Variants in SH2B1 observed in about 807,000 individuals in gnomAD.
SH2B1 encodes SH2B adaptor protein 1, also known as SH2B adapter protein 1.
In SH2B1, 15 loss-of-function variants were observed where a neutral mutation model predicts 62.6. That is an observed-to-expected ratio of 0.24 (90% CI 0.16 to 0.37). The LOEUF is 0.37. Ranked by LOEUF, SH2B1 falls within the 10% of genes least tolerant of loss-of-function variation. The pLI, the probability that SH2B1 is intolerant of heterozygous loss-of-function variation, is 1.00. For missense variants in SH2B1, 925 were observed against 1,015.6 expected (o/e 0.91, Z 1.21); for synonymous variants, 443 against 438.0 (o/e 1.01, Z -0.14).
At position 28,873,956 on chromosome 16, in the gene SH2B1, C is replaced by A. The variant is rs904784130; in HGVS notation, c.*136C>A. On this transcript the variant is annotated 3_prime_UTR_variant, in exon 8 of 8. Transcript: ENST00000684370. The surrounding 1 kb of genome is among the most constrained non-coding windows in gnomAD (Gnocchi z 4.2). ...TTGGCCAAGGGCATCTTTGATGGTA[C>A]AAGCAGAGGCTCGGGAGAGGCTCCC... 3.5e-6 allele frequency: 3 copies of A among 861,900 alleles called. No homozygotes were observed. Among genetic ancestry groups the A allele is most frequent in the South Asian group, 7.3e-5 (2 of 27,332 alleles). The allele number at this position is 861,900 out of a possible 1,614,324, so 53.4% of individuals were successfully genotyped here.
Position 28,852,692 on chromosome 16 carries a change from T to TTA in SH2B1, c.-301+5874_-301+5875dup, listed in dbSNP as rs1196188850. On this transcript the variant is annotated intron_variant, in intron 1 of 10. Coordinates refer to the SH2B1 transcript ENST00000322610. Reference sequence around the variant, plus strand: ...TTTATATATATATTTACATATATATTTATATATATACATATATATTTACAT... The same window carrying TTA: ...TTTATATATATATTTACATATATATTTATATATATATACATATATATTTACAT... Among the ~76,000 whole-genome samples, 15 of 75,822 alleles carry TTA rather than the reference T, an allele frequency of 2.0e-4. 2 individuals are homozygous for TTA. Among genetic ancestry groups the TTA allele is most frequent in the East Asian group, 3.4e-4 (1 of 2,904 alleles). 49.7% of individuals were successfully genotyped at this position (75,822 alleles called of 152,430 possible). A position where few individuals can be genotyped will look rare whatever the true frequency, so the allele number is the denominator to read the frequency against.
Position 28,865,459 on chromosome 16 carries a change from C to T in SH2B1, c.-636C>T. The T allele has an allele frequency of 1.9e-5, 19 of 985,602 alleles. 1 individual carries two copies. Among genetic ancestry groups the T allele is most frequent in the Admixed American group, 6.1e-5 (1 of 16,290 alleles). 61.1% of individuals were successfully genotyped at this position (985,602 alleles called of 1,614,324 possible). On this transcript the variant is annotated 5_prime_UTR_variant, in exon 1 of 8. Coordinates refer to ENST00000684370, the MANE Select transcript of SH2B1 (RefSeq NM_001387430.1). ...TCTAGAATCCCAGCTCCTCTCTAGC[C>T]CCCTGCGAGCTGGGGCGGTGAGGTG...
intron 1 of SH2B1, among the ~76,000 whole-genome samples, chr16:28,853,025 C>CATATATAT (rs1156719021): frequency 1.9e-5 from 1 of 53,614 alleles, no homozygotes; most frequent in Non-Finnish European, 3.3e-5. Context: ...TATATATGTA[C>CATATATAT]ATATATATGT....
At chr16:28,852,749 C>T (rs1206939041) in intron 1 of SH2B1, among the ~76,000 whole-genome samples, 1,015 of 37,544 alleles carry the variant, frequency 0.027, 195 homozygotes, top group African/African-American at 0.14. Flanking sequence ...TATATATTTA[C>T]ATATATATGT....
At chr16:28,868,330 C>T (rs1596626354) in intron 2 of SH2B1, among the ~76,000 whole-genome samples, 2 of 149,660 alleles carry the variant, frequency 1.3e-5, no homozygotes, top group South Asian at 2.1e-4. Flanking sequence ...TTAGTAGAGA[C>T]GGGGTTTCAC....
rs1596628411 is a variant in SH2B1, at chr16:28,869,464, A to G, written c.1309+81A>G. ...TGCTGTCAGGCGCCATGCCCTCTCC[A>G]GACGCCACTGTGCCCCCATCCCTGT... On this transcript the variant is annotated intron_variant, in intron 4 of 7. Coordinates refer to ENST00000684370, the MANE Select transcript of SH2B1 (RefSeq NM_001387430.1). The G allele has an allele frequency of 2.3e-6, 3 of 1,295,388 alleles. No homozygotes were observed. In the East Asian group the frequency reaches 7.4e-5, roughly 32 times the overall value. The allele number at this position is 1,295,388 out of a possible 1,614,324, so 80.2% of individuals were successfully genotyped here.
chr16:28,860,394 G>A (rs904320501), upstream of SH2B1, among the ~76,000 whole-genome samples: 3 of 151,946 alleles, frequency 2.0e-5, no homozygotes, highest in African/African-American at 4.8e-5. Context: ...TGGGATTACA[G>A]GTGCGTGCCA....
In SH2B1 at chr16:28,872,087, A is replaced by G. The variant is rs1223691067; in HGVS notation, c.1514-103A>G. ...GCTGGCCCAGGGGAGTTGGGGACGCATGTGGGGAGCAGGCGCCTTGAGGGG... is the reference window on the plus strand; with the variant it reads ...GCTGGCCCAGGGGAGTTGGGGACGCGTGTGGGGAGCAGGCGCCTTGAGGGG... On this transcript the variant is annotated intron_variant, in intron 5 of 7. Transcript: ENST00000684370. This position sits in a 1 kb window ranked among gnomAD's most constrained non-coding sequence, Gnocchi z 5.3. 7.3e-7 allele frequency: 1 copy of G among 1,370,404 alleles called. No homozygotes were observed. The highest frequency in any genetic ancestry group is 1.0e-6 in the Non-Finnish European group (1 of 969,140). 84.9% of individuals were successfully genotyped at this position (1,370,404 alleles called of 1,614,324 possible). A position where few individuals can be genotyped will look rare whatever the true frequency, so the allele number is the denominator to read the frequency against.
intron 1 of SH2B1, among the ~76,000 whole-genome samples, chr16:28,852,927 TTTA>T (rs1168027517): frequency 9.4e-5 from 5 of 53,338 alleles, no homozygotes; most frequent in African/African-American, 2.2e-4. Flanking sequence ...TATATATATT[TTTA>T]TATATATGTA....
Position 28,871,911 on chromosome 16 carries a change from G to T in SH2B1, c.1441G>T (p.Gly481Ter). 6.3e-7 allele frequency: 1 copy of T among 1,587,076 alleles called. No homozygotes were observed. The highest frequency in any genetic ancestry group is 8.6e-7 in the Non-Finnish European group (1 of 1,156,820). ...GCCCCCCCGCATCCCCATTGAAGAGGGACCCCCAACAGGGACAGTTCATCC... is the reference window on the plus strand; with the variant it reads ...GCCCCCCCGCATCCCCATTGAAGAGTGACCCCCAACAGGGACAGTTCATCC... ...ELPPRIPIEEGPPTGTVHPLS... is the reference protein window; with the variant it reads ...ELPPRIPIEE Residue 481 changes from glycine (G) to a stop codon, truncating the protein, a stop_gained, in exon 5 of 8, where the codon GGA (glycine) becomes TGA (stop). Transcript: ENST00000684370. LOFTEE classifies it high-confidence loss of function.
At chr16:28,855,196 C>G (rs940730329) in intron 1 of SH2B1, among the ~76,000 whole-genome samples, 1 of 151,584 alleles carries the variant, frequency 6.6e-6, no homozygotes, top group African/African-American at 2.4e-5. Flanking sequence ...CCCCCACTTT[C>G]GTTTTGCAAA....
chr16:28,862,827 A>G (rs866565888), upstream of SH2B1: 3 of 148,816 alleles, frequency 2.0e-5, 1 homozygote, highest in Middle Eastern at 6.3e-3. Flanking sequence ...CATGTTGGTC[A>G]GGCTGGTCTC....
At chr16:28,850,990 T>C (rs1242026804) in intron 1 of SH2B1, among the ~76,000 whole-genome samples, 1 of 151,004 alleles carries the variant, frequency 6.6e-6, no homozygotes, top group Non-Finnish European at 1.5e-5. Context: ...CTGGCCAATA[T>C]GGTGAAACCC....
Position 28,873,688 on chromosome 16 carries a change from G to C in SH2B1, c.2139G>C (p.Glu713Asp), listed in dbSNP as rs919354085. The change falls in exon 8 of 8, where the codon GAG (glutamate) becomes GAC (aspartate). Residue 713 changes from glutamate to aspartate, a missense_variant. Coordinates refer to ENST00000684370, the MANE Select transcript of SH2B1 (RefSeq NM_001387430.1). This position sits in a 1 kb window ranked among gnomAD's most constrained non-coding sequence, Gnocchi z 4.2. ...ELEEAIAPGS[E>D]AQGAGSGGDA... ...AAGAGGCCATAGCCCCAGGCTCAGA[G>C]GCCCAGGGCGCTGGGTCTGGTGGGG... 9.2e-6 allele frequency: 14 copies of C among 1,518,030 alleles called. No individual in the cohort carries two copies. Among genetic ancestry groups the C allele is most frequent in the Non-Finnish European group, 1.2e-5 (14 of 1,130,222 alleles). 94.0% of individuals were successfully genotyped at this position (1,518,030 alleles called of 1,614,324 possible). A position where few individuals can be genotyped will look rare whatever the true frequency, so the allele number is the denominator to read the frequency against.
rs1417416002 is a variant in SH2B1 at position 28,873,511 on chromosome 16, G to T, written c.1962G>T (p.Gln654His). 3 of 1,595,956 alleles carry T rather than the reference G, an allele frequency of 1.9e-6. No homozygotes were observed. Among genetic ancestry groups the T allele is most frequent in the Non-Finnish European group, 2.6e-6 (3 of 1,172,642 alleles). The change falls in exon 8 of 8, where the codon CAG (glutamine) becomes CAT (histidine). Residue 654 changes from glutamine to histidine, a missense_variant. Gln to His is a conservative substitution (Grantham distance 24). This residue lies in a region of SH2B1 where 185 missense variants were observed against 189.5 expected (regional missense o/e 0.98). Transcript: ENST00000684370. This position sits in a 1 kb window ranked among gnomAD's most constrained non-coding sequence, Gnocchi z 4.2. ...CCCCTTCATGGACAGATCCCCCACA[G>T]CCTGGGGCAGAAGAGGCGTCGAGGG... ...PEPPSWTDPP[Q>H]PGAEEASRAP...
At chr16:28,853,318 C>T (rs1477206091) in intron 1 of SH2B1, among the ~76,000 whole-genome samples, 4 of 148,946 alleles carry the variant, frequency 2.7e-5, no homozygotes, top group African/African-American at 9.9e-5. Context: ...GCAATTCTGC[C>T]TCAGCCTCAC....
Position 28,852,767 on chromosome 16 carries a change from TA to T in SH2B1, c.-301+5941del. Among the ~76,000 whole-genome samples, 2 of 73,446 alleles carry T rather than the reference TA, an allele frequency of 2.7e-5. 1 individual carries two copies. The highest frequency in any genetic ancestry group is 4.8e-5 in the Non-Finnish European group (2 of 41,602). The allele number at this position is 73,446 out of a possible 152,430, so 48.2% of individuals were successfully genotyped here. ...ATATTTACATATATATGTATATATATATTTATATATATATTTACATATATAT... is the reference window on the plus strand; with the variant it reads ...ATATTTACATATATATGTATATATATTTTATATATATATTTACATATATAT... On this transcript the variant is annotated intron_variant, in intron 1 of 10. Transcript: ENST00000322610.
In SH2B1 at chr16:28,864,712, AG is replaced by A; in HGVS notation, c.-1380del. ...GCGGGAGGAGCGCTAACAAGAGCCA[AG>A]GGTTGTAAATTCCACACCCAGCTCT... On this transcript the variant is annotated 5_prime_UTR_variant, in exon 1 of 8. Coordinates refer to ENST00000684370, the MANE Select transcript of SH2B1 (RefSeq NM_001387430.1). 2 of 972,652 alleles carry A rather than the reference AG, an allele frequency of 2.1e-6. No homozygotes were observed. The highest frequency in any genetic ancestry group is 2.4e-6 in the Non-Finnish European group (2 of 818,408). 60.3% of individuals were successfully genotyped at this position (972,652 alleles called of 1,614,324 possible). A position where few individuals can be genotyped will look rare whatever the true frequency, so the allele number is the denominator to read the frequency against.
At chr16:28,867,708 A>G (rs536989958) in intron 2 of SH2B1, among the ~76,000 whole-genome samples, 2 of 152,206 alleles carry the variant, frequency 1.3e-5, no homozygotes, top group South Asian at 2.1e-4. Context: ...GAGTGCAGCA[A>G]CCTGATCATA....
Sources: gnomAD v4.1 joint callset for allele counts (sites outside exome capture counted in the v4.1 genomes callset) on GRCh38, gnomAD v4.1.1 for gene constraint, gnomAD v4.1.1 regional missense constraint, Gnocchi (gnomAD v3.1) non-coding constraint, MANE v1.5 for transcripts, NCBI Gene and HGNC (gene_info 2026-07-23, HGNC 2026-07-21) for gene names.